RTN4RL1: variants seen among roughly 807,000 people sequenced by gnomAD.
The protein encoded by RTN4RL1 is reticulon-4 receptor-like 1.
Under a neutral mutation model 25.6 loss-of-function variants are expected in RTN4RL1, and 7 were observed. The observed-to-expected ratio is 0.27, with a 90% CI of 0.16 to 0.51. The LOEUF is 0.51. RTN4RL1 is among the 20% of genes least tolerant of loss of function. RTN4RL1 has a pLI of 0.97. For missense variants in RTN4RL1, 500 were observed against 615.6 expected (o/e 0.81, Z 1.99); for synonymous variants, 297 against 288.2 (o/e 1.03, Z -0.31).
At chr17:1,972,464 C>T (rs1270227493) in intron 1 of RTN4RL1, among the ~76,000 whole-genome samples, 5 of 152,106 alleles carry the variant, frequency 3.3e-5, no homozygotes. Flanking sequence ...TCTTAGATTT[C>T]TGGCCGCTCT....
intron 1 of RTN4RL1, among the ~76,000 whole-genome samples, chr17:1,944,682 C>A (rs1372123840): frequency 2.6e-5 from 4 of 152,132 alleles, no homozygotes; most frequent in Admixed American, 2.6e-4. Context: ...GTCTCAAACT[C>A]CTGACCTCAG....
chr17:1,939,323 A>C (rs1009966631), intron 1 of RTN4RL1, among the ~76,000 whole-genome samples: 1 of 152,038 alleles, frequency 6.6e-6, no homozygotes, highest in Non-Finnish European at 1.5e-5. Flanking sequence ...ACTGCACTCC[A>C]GCCTGGGCGA....
intron 1 of RTN4RL1, among the ~76,000 whole-genome samples, chr17:1,979,860 G>A (rs939045484): frequency 2.0e-5 from 3 of 152,078 alleles, no homozygotes; most frequent in Non-Finnish European, 2.9e-5. Context: ...CAGGCCAAGC[G>A]TGAAAGTGCT....
chr17:1,960,779 A>C (rs989577250), intron 1 of RTN4RL1, among the ~76,000 whole-genome samples: 7 of 151,868 alleles, frequency 4.6e-5, no homozygotes, highest in African/African-American at 1.7e-4. Flanking sequence ...CCTCTTCTGG[A>C]TATTTCATAC....
chr17:2,012,849 A>C (rs1447155270), intron 1 of RTN4RL1, among the ~76,000 whole-genome samples: 1 of 151,518 alleles, frequency 6.6e-6, no homozygotes, highest in Non-Finnish European at 1.5e-5. Flanking sequence ...GCTGGAGTGA[A>C]GTGGCATGAT....
intron 1 of RTN4RL1, among the ~76,000 whole-genome samples, chr17:2,001,996 C>T (rs1480861168): frequency 8.2e-6 from 1 of 121,826 alleles, no homozygotes; most frequent in Non-Finnish European, 1.7e-5. Flanking sequence ...ATCCTTTTTG[C>T]TTAAAGGATT....
Position 1,937,006 on chromosome 17 carries a change from C to A in RTN4RL1, c.816G>T (p.Arg272Ser), listed in dbSNP as rs777146216. 1.2e-6 allele frequency: 2 copies of A among 1,604,502 alleles called. No individual in the cohort carries two copies. The highest frequency in any genetic ancestry group is 2.2e-5 in the South Asian group (2 of 90,276). The change falls in exon 2 of 2, where the codon AGG becomes AGT. Residue 272 changes from arginine to serine, a missense_variant. Around this residue, in one of 2 missense-constraint regions of RTN4RL1, gnomAD observed 268 missense variants for 274.5 expected, o/e 0.98. Coordinates refer to ENST00000331238, the MANE Select transcript of RTN4RL1 (RefSeq NM_178568.4). ...GGACAGCGGAGCTGGAGCCCCGGAACCTCTGCAGCCATTCCCACAGGGAGC... is the reference window on the plus strand; with the variant it reads ...GGACAGCGGAGCTGGAGCCCCGGAAACTCTGCAGCCATTCCCACAGGGAGC... ...RARSLWEWLQ[R>S]FRGSSSAVPC...
intron 1 of RTN4RL1, among the ~76,000 whole-genome samples, chr17:1,964,604 C>G (rs568662487): frequency 6.6e-6 from 1 of 151,148 alleles, no homozygotes; most frequent in Non-Finnish European, 1.5e-5. Context: ...TGGTGGCGGG[C>G]GCCTGTAGTC....
intron 1 of RTN4RL1, among the ~76,000 whole-genome samples, chr17:1,972,709 C>T (rs2066825819): frequency 6.6e-6 from 1 of 152,234 alleles, no homozygotes; most frequent in African/African-American, 2.4e-5. Context: ...CCGCAAGTGC[C>T]TCGAGAGCAG....
chr17:1,938,647 G>A (rs1051360277), intron 1 of RTN4RL1, among the ~76,000 whole-genome samples: 5 of 151,950 alleles, frequency 3.3e-5, no homozygotes, highest in African/African-American at 1.2e-4. Flanking sequence ...GCATGCATGC[G>A]TGGCACCAAA....
At chr17:1,952,281 G>A (rs1567507682) in intron 1 of RTN4RL1, among the ~76,000 whole-genome samples, 2 of 151,890 alleles carry the variant, frequency 1.3e-5, no homozygotes, top group East Asian at 1.9e-4. Context: ...GCCATGAGGG[G>A]CAGCGGAGAA....
At chr17:1,953,258 C>A (rs1343158549) in intron 1 of RTN4RL1, among the ~76,000 whole-genome samples, 1 of 151,236 alleles carries the variant, frequency 6.6e-6, no homozygotes, top group Non-Finnish European at 1.5e-5. Context: ...AATACAAAAT[C>A]AGCTGGGCAC....
intron 1 of RTN4RL1, among the ~76,000 whole-genome samples, chr17:1,959,457 G>A (rs1041487378): frequency 6.6e-5 from 10 of 151,904 alleles, no homozygotes; most frequent in African/African-American, 2.2e-4. Flanking sequence ...TGCTCTTCCC[G>A]GCCTGATGAC....
intron 1 of RTN4RL1, among the ~76,000 whole-genome samples, chr17:1,989,390 T>C (rs2066900234): frequency 6.6e-6 from 1 of 151,904 alleles, no homozygotes; most frequent in Non-Finnish European, 1.5e-5. Context: ...TCACTGTGCT[T>C]GCAGGCAAAT....
chr17:1,936,937 C>T lies in RTN4RL1; in HGVS notation c.885G>A (p.Leu295=), dbSNP rs1013388917. ...PGLRHGQDLK[L]LRAEDFRNCT... ...AGTTCCGGAAGTCCTCGGCCCTCAG[C>T]AGCTTCAGGTCCTGGCCGTGCCGCA... Residue 295 remains leucine (L), a synonymous_variant, in exon 2 of 2, where the codon CTG becomes CTA. Coordinates refer to ENST00000331238, the MANE Select transcript of RTN4RL1 (RefSeq NM_178568.4). 6 of 1,610,146 alleles carry T rather than the reference C, an allele frequency of 3.7e-6. No homozygotes were observed. The highest frequency in any genetic ancestry group is 8.5e-7 in the Non-Finnish European group (1 of 1,179,074).
At chr17:1,991,330 C>T (rs1001866052) in intron 1 of RTN4RL1, among the ~76,000 whole-genome samples, 4 of 150,374 alleles carry the variant, frequency 2.7e-5, no homozygotes, top group Non-Finnish European at 5.9e-5. Context: ...GTGGTAGGAC[C>T]GGGCTGGAAA....
chr17:1,984,795 C>A (rs1031819193), intron 1 of RTN4RL1, among the ~76,000 whole-genome samples: 1 of 152,044 alleles, frequency 6.6e-6, no homozygotes, highest in African/African-American at 2.4e-5. Flanking sequence ...GGTGAAACCC[C>A]GTCTCTACTA....
chr17:2,005,887 C>T (rs140463568), intron 1 of RTN4RL1, among the ~76,000 whole-genome samples: 15 of 151,406 alleles, frequency 9.9e-5, no homozygotes, highest in African/African-American at 3.2e-4. Context: ...ACCTCCGCCA[C>T]CCGGGTTCCA....
Position 2,012,131 on chromosome 17 carries a change from G to T in RTN4RL1, c.13+12722C>A, listed in dbSNP as rs143795679. 2.5e-4 allele frequency among the ~76,000 whole-genome samples: 38 copies of T among 152,354 alleles called. 1 individual carries two copies. The East Asian group carries it at 7.3e-3, about 29-fold the overall frequency. On this transcript the variant is annotated intron_variant, in intron 1 of 1. Transcript: ENST00000331238. ...GGTCCGGCCTCATTTAGACATTTCAGATCTCTGAAGCCCAGAGAGTGTCCA... is the reference window on the plus strand; with the variant it reads ...GGTCCGGCCTCATTTAGACATTTCATATCTCTGAAGCCCAGAGAGTGTCCA...
Sources: gnomAD v4.1 joint callset for allele counts (sites outside exome capture counted in the v4.1 genomes callset) on GRCh38, gnomAD v4.1.1 for gene constraint, gnomAD v4.1.1 regional missense constraint, MANE v1.5 for transcripts, NCBI Gene and HGNC (gene_info 2026-07-23, HGNC 2026-07-21) for gene names.